Variants in EPHX1 observed in about 807,000 individuals in gnomAD.
The protein encoded by EPHX1 is epoxide hydratase.
A neutral mutation model predicts 43.2 loss-of-function variants in EPHX1; 40 were observed. The ratio of observed to expected loss-of-function variants is 0.93; its 90% CI spans 0.72 to 1.21. The LOEUF (loss-of-function observed/expected upper bound fraction) is 1.21, where lower values mean the gene tolerates loss of function less well. EPHX1 is among the 50% of genes most tolerant of loss of function. EPHX1 has a pLI of 0.00. For missense variants in EPHX1, 550 were observed against 570.4 expected (o/e 0.96, Z 0.36); for synonymous variants, 221 against 226.7 (o/e 0.98, Z 0.22).
intron 1 of EPHX1, among the ~76,000 whole-genome samples, chr1:225,811,424 G>A (rs1277224130): frequency 6.6e-6 from 1 of 152,230 alleles, no homozygotes; most frequent in Non-Finnish European, 1.5e-5. Flanking sequence ...AGTTCTGTGA[G>A]GGCTCAGCTT....
At chr1:225,810,886 G>T (rs1315278433) in intron 1 of EPHX1, among the ~76,000 whole-genome samples, 1 of 152,166 alleles carries the variant, frequency 6.6e-6, no homozygotes, top group Non-Finnish European at 1.5e-5. Flanking sequence ...TTTTGTGGTG[G>T]AATGACATCA....
At chr1:225,843,834 C>A (rs1376888987) in intron 7 of EPHX1, among the ~76,000 whole-genome samples, 1 of 152,228 alleles carries the variant, frequency 6.6e-6, no homozygotes, top group Non-Finnish European at 1.5e-5. Flanking sequence ...TATACTGGAA[C>A]TAGTTTTCAT....
chr1:225,825,024 A>G (rs1667164158), intron 1 of EPHX1, among the ~76,000 whole-genome samples: 1 of 152,246 alleles, frequency 6.6e-6, no homozygotes, highest in Non-Finnish European at 1.5e-5. Flanking sequence ...TATTCTTGTT[A>G]TCTTAATTAG....
At chr1:225,831,527 A>G (rs1667589325) in intron 2 of EPHX1, among the ~76,000 whole-genome samples, 1 of 150,120 alleles carries the variant, frequency 6.7e-6, no homozygotes, top group South Asian at 2.1e-4. Flanking sequence ...AGCCTGGGCA[A>G]CAGAGTGAGA....
intron 2 of EPHX1, 50 bp from the exon 3 acceptor site, chr1:225,831,729 G>A: frequency 1.9e-6 from 3 of 1,588,450 alleles, no homozygotes; most frequent in East Asian, 2.2e-5. Flanking sequence ...TTGCTCTTGT[G>A]CTCTGTCCTT....
chr1:225,817,450 G>A lies in EPHX1; in HGVS notation c.-6+7281G>A, dbSNP rs1198270650. ...AGCCATCCGTTTTTCCCTTTCCACT[G>A]GATGTTCCCTTCGCCTTCCCCAGGG... On this transcript the variant is annotated intron_variant, in intron 1 of 8. Transcript: ENST00000272167. The surrounding 1 kb of genome is among the most constrained non-coding windows in gnomAD (Gnocchi z 5.7). Among the ~76,000 whole-genome samples, 2 of 152,214 alleles carry A rather than the reference G, an allele frequency of 1.3e-5. No individual in the cohort carries two copies. The highest frequency in any genetic ancestry group is 4.8e-5 in the African/African-American group (2 of 41,468).
chr1:225,818,604 G>A (rs1008923688), intron 1 of EPHX1, among the ~76,000 whole-genome samples: 2 of 152,096 alleles, frequency 1.3e-5, no homozygotes, highest in African/African-American at 2.4e-5. Flanking sequence ...GGGGGGCAGC[G>A]TGAGATCCCA....
At chr1:225,823,818 G>A (rs1000908690) in intron 1 of EPHX1, among the ~76,000 whole-genome samples, 2 of 152,052 alleles carry the variant, frequency 1.3e-5, no homozygotes, top group Non-Finnish European at 2.9e-5. Flanking sequence ...ACCCCAAGAA[G>A]TCCACCCTGG....
rs574166352 is a variant in EPHX1, at chr1:225,813,024, G to A, written c.-6+2855G>A. The stretch of plus-strand genomic sequence containing the variant: ...CTGCCATTAATGTGTCCCCTCTCTG[G>A]ACCTCATCTGTAAAATGAGGTTAGG... On this transcript the variant is annotated intron_variant, in intron 1 of 8. Coordinates refer to ENST00000272167, the MANE Select transcript of EPHX1 (RefSeq NM_001136018.4). Among the ~76,000 whole-genome samples the A allele has an allele frequency of 2.0e-5, 3 of 152,292 alleles. No homozygotes were observed. The East Asian group carries it at 5.8e-4, about 29-fold the overall frequency.
intron 1 of EPHX1, among the ~76,000 whole-genome samples, chr1:225,823,349 C>A (rs948988130): frequency 6.6e-6 from 1 of 152,146 alleles, no homozygotes; most frequent in Non-Finnish European, 1.5e-5. Context: ...CGTATTGTAA[C>A]CTCCAAGATG....
chr1:225,815,721 G>A (rs773076148), intron 1 of EPHX1, among the ~76,000 whole-genome samples: 2 of 152,114 alleles, frequency 1.3e-5, no homozygotes, highest in Admixed American at 6.5e-5. Context: ...CCTGGTCCTC[G>A]GGCTGCCCTA....
intron 3 of EPHX1, among the ~76,000 whole-genome samples, chr1:225,832,518 T>C (rs1470914567): frequency 1.3e-5 from 2 of 152,224 alleles, no homozygotes; most frequent in East Asian, 3.8e-4. Flanking sequence ...CTGGGCTCCA[T>C]CTCAAAGAAA....
intron 1 of EPHX1, among the ~76,000 whole-genome samples, chr1:225,816,630 C>T (rs1031019139): frequency 2.0e-5 from 3 of 152,274 alleles, no homozygotes; most frequent in Admixed American, 2.0e-4. Flanking sequence ...AAGTAGCCGT[C>T]CCCTCTCCGA....
chr1:225,844,357 G>T, intron 7 of EPHX1, 141 bp from the exon 8 acceptor site: 1 of 1,326,802 alleles, frequency 7.5e-7, no homozygotes. Context: ...CCTGTGACAC[G>T]AGGATACCAC....
chr1:225,820,678 C>T (rs1317452759), intron 1 of EPHX1, among the ~76,000 whole-genome samples: 1 of 152,040 alleles, frequency 6.6e-6, no homozygotes, highest in East Asian at 1.9e-4. Flanking sequence ...CTGGATTATT[C>T]CCATTCCACC....
chr1:225,827,845 C>G (rs186135759), intron 1 of EPHX1, among the ~76,000 whole-genome samples: 1 of 152,182 alleles, frequency 6.6e-6, no homozygotes, highest in Non-Finnish European at 1.5e-5. Flanking sequence ...GTGGCCATGG[C>G]TGGGCTTCCT....
Position 225,817,997 on chromosome 1 carries a change from C to A in EPHX1, c.-6+7828C>A, listed in dbSNP as rs1193268056. On this transcript the variant is annotated intron_variant, in intron 1 of 8. Transcript: ENST00000272167. The surrounding 1 kb of genome is among the most constrained non-coding windows in gnomAD (Gnocchi z 5.7). ...GTGTGGCCGGATCTGAGTCTGACCC[C>A]ATCTTTTTAGACCCAAAACCCTGAT... Among the ~76,000 whole-genome samples, 5 of 152,156 alleles carry A rather than the reference C, an allele frequency of 3.3e-5. No individual in the cohort carries two copies. Among genetic ancestry groups the A allele is most frequent in the Non-Finnish European group, 7.3e-5 (5 of 68,036 alleles).
At chr1:225,821,772 A>G (rs756105536) in intron 1 of EPHX1, among the ~76,000 whole-genome samples, 13 of 151,208 alleles carry the variant, frequency 8.6e-5, no homozygotes, top group Non-Finnish European at 7.4e-5. Flanking sequence ...CATGTTGCCC[A>G]GGCTGGTCTC....
intron 1 of EPHX1, among the ~76,000 whole-genome samples, chr1:225,815,269 A>G (rs944731340): frequency 1.5e-5 from 2 of 136,780 alleles, no homozygotes; most frequent in Non-Finnish European, 3.3e-5. Context: ...TTTTTGAGAC[A>G]GGGTCTGGCT....
Sources: gnomAD v4.1 joint callset for allele counts (sites outside exome capture counted in the v4.1 genomes callset) on GRCh38, gnomAD v4.1.1 for gene constraint, Gnocchi (gnomAD v3.1) non-coding constraint, MANE v1.5 for transcripts, NCBI Gene and HGNC (gene_info 2026-07-23, HGNC 2026-07-21) for gene names.